The following SLC5A9 variants were observed in gnomAD, a reference collection of about 807,000 sequenced individuals.
The protein encoded by SLC5A9 is solute carrier family 5 member 9.
A neutral mutation model predicts 70.9 loss-of-function variants in SLC5A9; 59 were observed. The observed-to-expected ratio is 0.83, with a 90% CI of 0.68 to 1.03. SLC5A9 has a LOEUF of 1.03. SLC5A9 is among the 50% of genes least tolerant of loss of function. SLC5A9 has a pLI of 0.00. For missense variants in SLC5A9, 832 were observed against 881.1 expected (o/e 0.94, Z 0.71); for synonymous variants, 340 against 346.5 (o/e 0.98, Z 0.21).
At position 48,231,623 on chromosome 1, in the gene SLC5A9, T is replaced by G; in HGVS notation, c.689T>G (p.Leu230Arg). 6.2e-7 allele frequency: 1 copy of G among 1,614,134 alleles called. No individual in the cohort carries two copies. The highest frequency in any genetic ancestry group is 8.5e-7 in the Non-Finnish European group (1 of 1,179,996). The change falls in exon 6 of 14, where the codon CTG becomes CGG. Residue 230 changes from leucine (L) to arginine (R), a missense_variant and splice_region_variant. By Grantham distance (102) the Leu-to-Arg change is moderately radical. Transcript: ENST00000438567. ...MVGGALVLMF[L>R]GFQDVGWYPG... ...GGGGGAGCCCTGGTCCTCATGTTTC[T>G]GGGTAAGGAAGAGACCTAAATATAC...
chr1:48,224,889 GACC>G, intron 2 of SLC5A9, 94 bp downstream of exon 2: 1 of 1,266,198 alleles, frequency 7.9e-7, no homozygotes. Flanking sequence ...CTCACACCTG[GACC>G]AAGGCAAAGA....
intron 1 of SLC5A9, among the ~76,000 whole-genome samples, chr1:48,223,920 G>T (rs212987): frequency 6.6e-6 from 1 of 152,210 alleles, no homozygotes; most frequent in Non-Finnish European, 1.5e-5. Flanking sequence ...TGTTTTGCTC[G>T]TATGGCCTCC....
intron 13 of SLC5A9, among the ~76,000 whole-genome samples, chr1:48,247,048 T>A (rs1644467386): frequency 6.6e-6 from 1 of 152,194 alleles, no homozygotes; most frequent in South Asian, 2.1e-4. Context: ...GCCACCTTAA[T>A]ACACCATCCC....
In SLC5A9 at chr1:48,232,008, G is replaced by A. The variant is rs1291658147; in HGVS notation, c.754G>A (p.Val252Ile). The change falls in exon 7 of 14, where the codon GTC becomes ATC. Residue 252 changes from valine (V) to isoleucine (I), a missense_variant. Coordinates refer to ENST00000438567, the MANE Select transcript of SLC5A9 (RefSeq NM_001011547.3). ...EQRYRQAIPN[V>I]TVPNTTCHLP... is the part of the protein sequence containing the mutation. The stretch of plus-strand genomic sequence containing the variant: ...GCGGTACAGGCAGGCCATCCCTAAT[G>A]TCACAGTCCCCAACACCACCTGTCA... 1 of 1,614,146 alleles carries A rather than the reference G, an allele frequency of 6.2e-7. No individual in the cohort carries two copies. Among genetic ancestry groups the A allele is most frequent in the Non-Finnish European group, 8.5e-7 (1 of 1,180,036 alleles).
At chr1:48,233,888 C>A in intron 9 of SLC5A9, 126 bp downstream of exon 9, 2 of 701,182 alleles carry the variant, frequency 2.9e-6, no homozygotes, top group South Asian at 1.6e-5. Flanking sequence ...TCTGCACCCC[C>A]ATCCCAACAC....
chr1:48,245,281 G>A (rs1229964025), intron 13 of SLC5A9, among the ~76,000 whole-genome samples: 1 of 152,120 alleles, frequency 6.6e-6, no homozygotes, highest in Non-Finnish European at 1.5e-5. Flanking sequence ...GAGACAGCTT[G>A]TACTTTCCCA....
At chr1:48,229,184 T>C (rs1644209456) in intron 3 of SLC5A9, 111 bp from the exon 4 acceptor site, 6 of 1,614,066 alleles carry the variant, frequency 3.7e-6, no homozygotes, top group Non-Finnish European at 3.4e-6. Flanking sequence ...CCAGGTCTCT[T>C]ATTTCTCTGT....
chr1:48,237,555 T>C, intron 10 of SLC5A9, 124 bp from the exon 11 acceptor site: 1 of 907,450 alleles, frequency 1.1e-6, no homozygotes, highest in Non-Finnish European at 1.7e-6. Context: ...CTGCCAACCT[T>C]CTCTGATCTA....
chr1:48,247,473 G>A lies in SLC5A9; in HGVS notation c.1976G>A (p.Arg659Lys), dbSNP rs200736723. The A allele has an allele frequency of 1.5e-5, 25 of 1,614,184 alleles. No homozygotes were observed. Among genetic ancestry groups the A allele is most frequent in the Non-Finnish European group, 2.1e-5 (25 of 1,180,052 alleles). Residue 659 changes from arginine (R) to lysine (K), a missense_variant, in exon 14 of 14, where the codon AGA (arginine) becomes AAA (lysine). Transcript: ENST00000438567. ...LTSIEEEPLW[R>K]HVCNINAVLL... ...AGCATTGAGGAGGAGCCACTCTGGA[G>A]ACATGTCTGCAACATCAATGCTGTC...
chr1:48,247,662 A>C lies in SLC5A9; in HGVS notation c.*119A>C. The C allele has an allele frequency of 1.0e-6, 1 of 973,576 alleles. No homozygotes were observed. Among genetic ancestry groups the C allele is most frequent in the Non-Finnish European group, 1.6e-6 (1 of 626,802 alleles). The allele number at this position is 973,576 out of a possible 1,614,324, so 60.3% of individuals were successfully genotyped here. A position where few individuals can be genotyped will look rare whatever the true frequency, so the allele number is the denominator to read the frequency against. The stretch of plus-strand genomic sequence containing the variant: ...TGGAGATCACAGAAGTCAAGACTGC[A>C]AGCTCCCCTGAAGAGAATCCAACTC... On this transcript the variant is annotated 3_prime_UTR_variant, in exon 14 of 14. Transcript: ENST00000438567.
At position 48,247,563 on chromosome 1, in the gene SLC5A9, G is replaced by A; in HGVS notation, c.*20G>A. On this transcript the variant is annotated 3_prime_UTR_variant, in exon 14 of 14. Transcript: ENST00000438567. Reference sequence around the variant, plus strand: ...GCGTGATTCCACAGACCTGGCTTCAGTGTAGACAGATTAAACAAAGCCCAA... The same window carrying A: ...GCGTGATTCCACAGACCTGGCTTCAATGTAGACAGATTAAACAAAGCCCAA... 6.2e-7 allele frequency: 1 copy of A among 1,612,536 alleles called. No individual in the cohort carries two copies. The highest frequency in any genetic ancestry group is 8.5e-7 in the Non-Finnish European group (1 of 1,178,604).
intron 13 of SLC5A9, among the ~76,000 whole-genome samples, chr1:48,245,012 A>G (rs1247650566): frequency 6.9e-6 from 1 of 144,186 alleles, no homozygotes; most frequent in Non-Finnish European, 1.5e-5. Context: ...CTGAATTCAT[A>G]TTATCGTTAG....
In SLC5A9 at chr1:48,248,094, C is replaced by T. The variant is rs1204464912; in HGVS notation, c.*551C>T. 1 of 157,818 alleles carries T rather than the reference C, an allele frequency of 6.3e-6. No homozygotes were observed. Among genetic ancestry groups the T allele is most frequent in the African/African-American group, 2.4e-5 (1 of 41,470 alleles). 9.8% of individuals were successfully genotyped at this position (157,818 alleles called of 1,614,324 possible). On this transcript the variant is annotated 3_prime_UTR_variant, in exon 14 of 14. Transcript: ENST00000438567. ...GGCTCCACAGTGGTGGCTGTCAGAC[C>T]CGAAGGGGTGGGGAGCCAAGGGTGG...
chr1:48,224,826 G>A (rs762840220), intron 2 of SLC5A9, 31 bp downstream of exon 2: 2 of 1,606,164 alleles, frequency 1.2e-6, no homozygotes, highest in South Asian at 1.1e-5. Context: ...CACCCCTAGT[G>A]CAGAGGCTCC....
Position 48,247,404 on chromosome 1 carries a change from C to T in SLC5A9, c.1907C>T (p.Ala636Val). ...FCGLSGTPEQ[A>V]LSPAEKAALE... is the part of the protein sequence containing the mutation. ...GGGCTCTCTGGAACACCGGAGCAGG[C>T]CCTGAGCCCAGCAGAGAAGGCTGCG... Residue 636 changes from alanine (A) to valine (V), a missense_variant, in exon 14 of 14, where the codon GCC becomes GTC. Coordinates refer to ENST00000438567, the MANE Select transcript of SLC5A9 (RefSeq NM_001011547.3). 1 of 1,614,150 alleles carries T rather than the reference C, an allele frequency of 6.2e-7. No individual in the cohort carries two copies. Among genetic ancestry groups the T allele is most frequent in the South Asian group, 1.1e-5 (1 of 91,084 alleles).
intron 11 of SLC5A9, 92 bp downstream of exon 11, chr1:48,237,939 A>T: frequency 1.5e-6 from 2 of 1,346,688 alleles, no homozygotes; most frequent in Non-Finnish European, 2.0e-6. Flanking sequence ...GAGAAAATCC[A>T]CTTCCCCTCT....
chr1:48,232,192 G>C lies in SLC5A9; in HGVS notation c.897+41G>C, dbSNP rs116790767. ...GGCTTAGCCCAGCCTGCCAGGAAGT[G>C]GGGTGGCTTCCTGCAGAAAAACCCA... On this transcript the variant is annotated intron_variant, in intron 7 of 13. Coordinates refer to ENST00000438567, the MANE Select transcript of SLC5A9 (RefSeq NM_001011547.3). The C allele has an allele frequency of 1.8e-3, 2,849 of 1,584,084 alleles. 47 individuals are homozygous for C. The African/African-American group carries it at 0.034, about 19-fold the overall frequency.
At chr1:48,242,314 C>G in intron 12 of SLC5A9, 143 bp from the exon 13 acceptor site, 1 of 902,926 alleles carries the variant, frequency 1.1e-6, no homozygotes, top group Non-Finnish European at 1.7e-6. Context: ...GGGCTGAGAT[C>G]CGGGCCTCCT....
chr1:48,235,853 A>AGAGCAGGAGCTGATGGTGGT lies in SLC5A9; in HGVS notation c.1268_1287dup (p.Gly430SerfsTer4). 6.2e-7 allele frequency: 1 copy of AGAGCAGGAGCTGATGGTGGT among 1,614,176 alleles called. No individual in the cohort carries two copies. The highest frequency in any genetic ancestry group is 8.5e-7 in the Non-Finnish European group (1 of 1,180,030). ...GGCAGCGCTTCCGCAGGAAGTCAAC[A>AGAGCAGGAGCTGATGGTGGT]GAGCAGGAGCTGATGGTGGTGGGCA... On this transcript the variant is annotated frameshift_variant, in exon 10 of 14. Transcript: ENST00000438567. LOFTEE classifies it high-confidence loss of function.
Sources: gnomAD v4.1 joint callset for allele counts (sites outside exome capture counted in the v4.1 genomes callset) on GRCh38, gnomAD v4.1.1 for gene constraint, MANE v1.5 for transcripts, NCBI Gene and HGNC (gene_info 2026-07-23, HGNC 2026-07-21) for gene names.